Variants in RGS6 observed in about 807,000 individuals in gnomAD.
RGS6 encodes the protein regulator of G protein signaling 6.
A neutral mutation model predicts 78.5 loss-of-function variants in RGS6; 30 were observed. That is an observed-to-expected ratio of 0.38 (90% CI 0.29 to 0.52). RGS6 has a LOEUF of 0.52. RGS6 is among the 20% of genes least tolerant of loss of function. The probability of loss-of-function intolerance (pLI) is 0.85; values close to 1 mark genes in which losing one functional copy is unlikely to be tolerated. For synonymous variants in RGS6, 206 were observed against 206.0 expected (o/e 1.00, Z 0.00); for missense variants, 495 against 609.7 (o/e 0.81, Z 1.98).
intron 2 of RGS6, among the ~76,000 whole-genome samples, chr14:72,073,584 C>T (rs1168003143): frequency 6.6e-6 from 1 of 152,160 alleles, no homozygotes; most frequent in East Asian, 1.9e-4. Context: ...CACGCTCATC[C>T]ACACTCACAC....
Position 72,277,960 on chromosome 14 carries a change from A to G in RGS6, c.85-74135A>G, listed in dbSNP as rs538217456. On this transcript the variant is annotated intron_variant, in intron 2 of 17. Transcript: ENST00000553525. ...AAATAAAATAAAATAAAAATCCTCT[A>G]CTGTCTACTTCCCCCACCCCTAATA... Among the ~76,000 whole-genome samples, 5 of 152,096 alleles carry G rather than the reference A, an allele frequency of 3.3e-5. No individual in the cohort carries two copies. In the South Asian group the frequency reaches 8.3e-4, roughly 25 times the overall value.
At chr14:72,140,860 T>C (rs1021037249) in intron 2 of RGS6, among the ~76,000 whole-genome samples, 1 of 152,210 alleles carries the variant, frequency 6.6e-6, no homozygotes, top group East Asian at 1.9e-4. Flanking sequence ...GTCCTTGCAA[T>C]GGGCTGCTGG....
chr14:72,558,474 G>T (rs1445955765), intron 17 of RGS6, among the ~76,000 whole-genome samples: 1 of 152,154 alleles, frequency 6.6e-6, no homozygotes, highest in Non-Finnish European at 1.5e-5. Flanking sequence ...CCCAGATAGT[G>T]CATGCTTTGT....
At chr14:72,104,987 A>T (rs567138167) in intron 2 of RGS6, among the ~76,000 whole-genome samples, 4 of 152,250 alleles carry the variant, frequency 2.6e-5, no homozygotes, top group African/African-American at 9.6e-5. Context: ...AGTCGAAAAC[A>T]TGTTTCTGGA....
At chr14:72,294,408 G>C (rs2064270347) in intron 2 of RGS6, among the ~76,000 whole-genome samples, 1 of 152,154 alleles carries the variant, frequency 6.6e-6, no homozygotes, top group Non-Finnish European at 1.5e-5. Context: ...AAGAAGGTGA[G>C]TTTATTGGTT....
intron 2 of RGS6, among the ~76,000 whole-genome samples, chr14:72,095,661 A>G (rs1453531373): frequency 6.6e-6 from 1 of 152,224 alleles, no homozygotes; most frequent in African/African-American, 2.4e-5. Flanking sequence ...CACAAGGAAC[A>G]GAGAGGGAAC....
At chr14:72,232,000 A>G (rs757259535) in intron 2 of RGS6, among the ~76,000 whole-genome samples, 1 of 152,160 alleles carries the variant, frequency 6.6e-6, no homozygotes, top group Non-Finnish European at 1.5e-5. Context: ...GCCGTTTTGG[A>G]GGCCGTATGA....
chr14:71,918,766 G>A, the RGS6 span, among the ~76,000 whole-genome samples: 2 of 152,252 alleles, frequency 1.3e-5, no homozygotes, highest in East Asian at 3.9e-4. Context: ...TCGTCCTGAA[G>A]TTTAACCCCC....
intron 2 of RGS6, among the ~76,000 whole-genome samples, chr14:72,154,078 T>C (rs1037709400): frequency 3.3e-5 from 5 of 152,130 alleles, no homozygotes; most frequent in African/African-American, 1.2e-4. Flanking sequence ...TTTCCTAGCG[T>C]ATTAATATTA....
intron 3 of RGS6, among the ~76,000 whole-genome samples, chr14:72,360,355 A>G (rs1477678101): frequency 2.7e-5 from 4 of 150,808 alleles, no homozygotes; most frequent in Non-Finnish European, 4.4e-5. Context: ...CCCCGTCTCT[A>G]CTAAAAATAC....
intron 1 of RGS6, chr14:71,933,249 G>C (rs982411202): frequency 6.6e-6 from 1 of 152,296 alleles, no homozygotes; most frequent in Non-Finnish European, 1.5e-5. Context: ...GGGGACGAGA[G>C]CGCAGAGGAT....
chr14:71,893,324 C>A, the RGS6 span, among the ~76,000 whole-genome samples: 1 of 152,156 alleles, frequency 6.6e-6, no homozygotes, highest in Non-Finnish European at 1.5e-5. Context: ...GTATTCTCAC[C>A]TTTACATAAA....
At chr14:71,979,092 G>A (rs957966915) in intron 2 of RGS6, among the ~76,000 whole-genome samples, 3 of 150,938 alleles carry the variant, frequency 2.0e-5, no homozygotes, top group Non-Finnish European at 3.0e-5. Flanking sequence ...TTGTATTTCT[G>A]TGGGATCGGT....
At chr14:72,447,663 A>AC (rs2095399284) in intron 3 of RGS6, among the ~76,000 whole-genome samples, 1 of 151,956 alleles carries the variant, frequency 6.6e-6, no homozygotes, top group African/African-American at 2.4e-5. Context: ...TGGGTTCATT[A>AC]CCCCTCACAG....
At chr14:72,202,052 C>A (rs1228273947) in intron 2 of RGS6, among the ~76,000 whole-genome samples, 1 of 152,178 alleles carries the variant, frequency 6.6e-6, no homozygotes, top group East Asian at 1.9e-4. Flanking sequence ...AATCTAGACA[C>A]ATTTGGATTT....
At chr14:72,505,382 T>C (rs574324260) in intron 13 of RGS6, among the ~76,000 whole-genome samples, 2 of 152,336 alleles carry the variant, frequency 1.3e-5, no homozygotes, top group Admixed American at 6.5e-5. Flanking sequence ...TGTCTTCACA[T>C]GACAGAAGGG....
chr14:72,055,806 T>C (rs1441288241), intron 2 of RGS6, among the ~76,000 whole-genome samples: 1 of 152,238 alleles, frequency 6.6e-6, no homozygotes, highest in Non-Finnish European at 1.5e-5. Context: ...GTACAAAGTT[T>C]GCATAATTTT....
rs1051505480 is a variant in RGS6, at chr14:72,406,201, A to G, written c.185-48327A>G. ...GGAGATCAAGACCATCCTGGCCAAC[A>G]TAGTGAAACCCATCTCTACTAAAAA... On this transcript the variant is annotated intron_variant, in intron 3 of 17. Coordinates refer to ENST00000553525, the MANE Select transcript of RGS6 (RefSeq NM_001204424.2). Among the ~76,000 whole-genome samples, 5 of 152,164 alleles carry G rather than the reference A, an allele frequency of 3.3e-5. No individual in the cohort carries two copies. In the East Asian group the frequency reaches 7.7e-4, roughly 23 times the overall value.
intron 2 of RGS6, among the ~76,000 whole-genome samples, chr14:72,129,607 G>A (rs1037912629): frequency 2.0e-5 from 3 of 152,124 alleles, no homozygotes; most frequent in Non-Finnish European, 2.9e-5. Context: ...TGAGGTTTCC[G>A]GTGGCTCCGC....
Sources: allele counts gnomAD v4.1 joint callset (sites outside exome capture counted in the v4.1 genomes callset), GRCh38; gene constraint gnomAD v4.1.1; transcripts MANE v1.5; gene names NCBI Gene and HGNC (gene_info 2026-07-23, HGNC 2026-07-21).